ZNF532: variants seen among roughly 807,000 people sequenced by gnomAD.
ZNF532 encodes zinc finger protein 532.
In ZNF532, 22 loss-of-function variants were observed where a neutral mutation model predicts 89.3. The ratio of observed to expected loss-of-function variants is 0.25; its 90% CI spans 0.18 to 0.35. The LOEUF is 0.35. Ranked by LOEUF, ZNF532 falls within the 10% of genes least tolerant of loss-of-function variation. ZNF532 has a pLI of 1.00. For missense variants in ZNF532, 1,132 were observed against 1,643.4 expected (o/e 0.69, Z 5.38); for synonymous variants, 606 against 649.6 (o/e 0.93, Z 1.02).
intron 7 of ZNF532, among the ~76,000 whole-genome samples, chr18:58,965,966 G>A (rs1177028360): frequency 6.6e-6 from 1 of 152,176 alleles, no homozygotes; most frequent in Non-Finnish European, 1.5e-5. Flanking sequence ...AGAGGCTCTC[G>A]AGGCAGAGAG....
At chr18:58,933,792 G>C (rs2062150464) in intron 3 of ZNF532, among the ~76,000 whole-genome samples, 1 of 152,072 alleles carries the variant, frequency 6.6e-6, no homozygotes, top group Non-Finnish European at 1.5e-5. Context: ...TACATAATCA[G>C]ATTTTAAGCT....
intron 2 of ZNF532, among the ~76,000 whole-genome samples, chr18:58,889,713 C>T (rs773841999): frequency 6.6e-5 from 10 of 151,366 alleles, no homozygotes; most frequent in East Asian, 2.0e-4. Flanking sequence ...GTGGAGGTTG[C>T]GGTGAGCCGA....
At chr18:58,926,384 C>A (rs750324168) in intron 3 of ZNF532, 2 of 152,260 alleles carry the variant, frequency 1.3e-5, no homozygotes, top group African/African-American at 4.8e-5. Context: ...GTTGCCCAGG[C>A]TGGAGTGCAA....
At chr18:58,865,958 C>A (rs1335698241) in intron 2 of ZNF532, among the ~76,000 whole-genome samples, 1 of 152,194 alleles carries the variant, frequency 6.6e-6, no homozygotes, top group Non-Finnish European at 1.5e-5. Flanking sequence ...ATCGAGGCAG[C>A]CTAGCCACCT....
intron 2 of ZNF532, among the ~76,000 whole-genome samples, chr18:58,886,525 CTG>C (rs1244080337): frequency 1.3e-5 from 2 of 152,062 alleles, no homozygotes; most frequent in Non-Finnish European, 2.9e-5. Flanking sequence ...GCACTTAACA[CTG>C]TTGAACTGTG....
Position 58,918,564 on chromosome 18 carries a change from T to C in ZNF532, c.277T>C (p.Phe93Leu), listed in dbSNP as rs948507415. 1 of 1,613,870 alleles carries C rather than the reference T, an allele frequency of 6.2e-7. No homozygotes were observed. The highest frequency in any genetic ancestry group is 8.5e-7 in the Non-Finnish European group (1 of 1,179,990). ...NPTGNGLHNG[F>L]LTASSLDSYS... ...CACTGGCAATGGCTTACATAATGGG[T>C]TTCTCACAGCATCCTCCCTTGACAG... Residue 93 changes from phenylalanine to leucine, a missense_variant, in exon 3 of 10, where the codon TTT (phenylalanine) becomes CTT (leucine). Phe to Leu is a conservative substitution (Grantham distance 22, BLOSUM62 0). Coordinates refer to ENST00000591808, the MANE Select transcript of ZNF532 (RefSeq NM_001375912.1).
chr18:58,930,976 T>C (rs1316097092), intron 3 of ZNF532, among the ~76,000 whole-genome samples: 1 of 152,192 alleles, frequency 6.6e-6, no homozygotes, highest in African/African-American at 2.4e-5. Flanking sequence ...GCGTGGAATG[T>C]GGGTACTTTT....
At chr18:58,887,852 G>A (rs1039072464) in intron 2 of ZNF532, among the ~76,000 whole-genome samples, 8 of 152,158 alleles carry the variant, frequency 5.3e-5, no homozygotes, top group African/African-American at 1.2e-4. Context: ...TGAGGCAGCC[G>A]GGCTTTGTGA....
At chr18:58,911,676 GGTCCTGT>G (rs2095305947) in intron 2 of ZNF532, among the ~76,000 whole-genome samples, 2 of 152,326 alleles carry the variant, frequency 1.3e-5, no homozygotes, top group South Asian at 4.1e-4. Flanking sequence ...AGCAGAGCCA[GGTCCTGT>G]GTCAAAGGAA....
chr18:58,955,243 C>G (rs930523763), intron 7 of ZNF532, among the ~76,000 whole-genome samples: 1 of 152,060 alleles, frequency 6.6e-6, no homozygotes, highest in African/African-American at 2.4e-5. Flanking sequence ...GGCGATAGAG[C>G]GAGGCCCTGT....
chr18:58,958,799 C>T (rs560839093), intron 7 of ZNF532, among the ~76,000 whole-genome samples: 5 of 152,304 alleles, frequency 3.3e-5, no homozygotes, highest in South Asian at 4.1e-4. Flanking sequence ...GGAGGACGGG[C>T]GTGTCAGTGT....
chr18:58,911,359 A>G (rs2060272679), intron 2 of ZNF532, among the ~76,000 whole-genome samples: 1 of 152,234 alleles, frequency 6.6e-6, no homozygotes, highest in African/African-American at 2.4e-5. Context: ...ACTGGTGACT[A>G]TGATTTTTTA....
At chr18:58,949,301 A>G (rs2063938791) in intron 6 of ZNF532, among the ~76,000 whole-genome samples, 1 of 152,160 alleles carries the variant, frequency 6.6e-6, no homozygotes. Flanking sequence ...GATAATATCC[A>G]TTGGCTTTCA....
Position 58,942,586 on chromosome 18 carries a change from G to A in ZNF532, c.2705+2965G>A, listed in dbSNP as rs1253817265. 9.2e-5 allele frequency among the ~76,000 whole-genome samples: 14 copies of A among 151,990 alleles called. 1 individual carries two copies. The highest frequency in any genetic ancestry group is 8.5e-4 in the Admixed American group (13 of 15,268). On this transcript the variant is annotated intron_variant, in intron 5 of 9. Coordinates refer to ENST00000591808, the MANE Select transcript of ZNF532 (RefSeq NM_001375912.1). Reference sequence around the variant, plus strand: ...CCCGCAGCCTGACTGTGGCAATGACGGCTGCTGCACCAGCTCTGTTGGGCC... The same window carrying A: ...CCCGCAGCCTGACTGTGGCAATGACAGCTGCTGCACCAGCTCTGTTGGGCC...
chr18:58,983,604 C>T (rs542616698), intron 9 of ZNF532, among the ~76,000 whole-genome samples: 1 of 152,152 alleles, frequency 6.6e-6, no homozygotes, highest in Non-Finnish European at 1.5e-5. Context: ...CATATACCCC[C>T]CCCTTGCTTC....
At chr18:58,979,024 C>A in intron 7 of ZNF532, 31 bp from the exon 8 acceptor site, 2 of 1,547,604 alleles carry the variant, frequency 1.3e-6, no homozygotes, top group South Asian at 1.1e-5. Flanking sequence ...TATTTTCATT[C>A]CCTTAAGTGA....
At chr18:58,952,730 T>C (rs1762742993) in intron 6 of ZNF532, among the ~76,000 whole-genome samples, 1 of 152,206 alleles carries the variant, frequency 6.6e-6, no homozygotes, top group Non-Finnish European at 1.5e-5. Flanking sequence ...TATTCCATGC[T>C]TTTACAATAC....
intron 6 of ZNF532, among the ~76,000 whole-genome samples, chr18:58,951,937 C>T (rs1273490758): frequency 1.3e-5 from 2 of 152,170 alleles, no homozygotes; most frequent in Non-Finnish European, 2.9e-5. Flanking sequence ...GCGTGAGCCA[C>T]TGCGCGTGGC....
intron 2 of ZNF532, among the ~76,000 whole-genome samples, chr18:58,897,294 C>T (rs1386324371): frequency 1.3e-5 from 2 of 152,134 alleles, no homozygotes. Flanking sequence ...CCCCTGCTGC[C>T]TTCCCTTTAT....
Sources: gnomAD v4.1 joint callset for allele counts (sites outside exome capture counted in the v4.1 genomes callset) on GRCh38, gnomAD v4.1.1 for gene constraint, MANE v1.5 for transcripts, NCBI Gene and HGNC (gene_info 2026-07-23, HGNC 2026-07-21) for gene names.